The following ARHGEF10 variants were observed in gnomAD, a reference collection of about 807,000 sequenced individuals.
ARHGEF10 encodes Rho guanine nucleotide exchange factor (GEF) 10.
In ARHGEF10, 140 loss-of-function variants were observed where a neutral mutation model predicts 147.4. The ratio of observed to expected loss-of-function variants is 0.95; its 90% CI spans 0.83 to 1.09. The LOEUF is 1.09. ARHGEF10 is among the 50% of genes least tolerant of loss of function. ARHGEF10 has a pLI of 0.00. For synonymous variants in ARHGEF10, 902 were observed against 695.8 expected (o/e 1.30, Z -4.67); for missense variants, 2,222 against 1,752.7 (o/e 1.27, Z -4.78).
chr8:1,826,377 T>C (rs1055802056), intron 1 of ARHGEF10, among the ~76,000 whole-genome samples: 14 of 151,994 alleles, frequency 9.2e-5, no homozygotes, highest in Non-Finnish European at 2.1e-4. Context: ...TATGCATGTG[T>C]GTGCGTTTGT....
At chr8:1,826,447 CGTGT>C (rs1213939371) in intron 1 of ARHGEF10, among the ~76,000 whole-genome samples, 1 of 151,108 alleles carries the variant, frequency 6.6e-6, no homozygotes, top group Non-Finnish European at 1.5e-5. Context: ...TGTGTGTGCG[CGTGT>C]GTGAGTTGTA....
intron 28 of ARHGEF10, among the ~76,000 whole-genome samples, chr8:1,955,420 T>A (rs111328188): frequency 4.0e-5 from 6 of 150,474 alleles, no homozygotes; most frequent in East Asian, 2.0e-4. Context: ...GGTAGCTAGG[T>A]GCTCCCTGAA....
chr8:1,923,322 A>C, intron 19 of ARHGEF10, 146 bp from the exon 20 acceptor site: 1 of 1,261,322 alleles, frequency 7.9e-7, no homozygotes, highest in Non-Finnish European at 1.1e-6. Flanking sequence ...CCACAGTGTG[A>C]TCTGACTCCC....
chr8:1,893,743 AAACAT>A, intron 12 of ARHGEF10, 97 bp downstream of exon 12: 1 of 1,040,216 alleles, frequency 9.6e-7, no homozygotes, highest in South Asian at 1.4e-5. Flanking sequence ...TATGTTTATG[AAACAT>A]AACATGCAAA....
chr8:1,934,933 T>C (rs76490423), intron 26 of ARHGEF10, among the ~76,000 whole-genome samples: 2,314 of 152,276 alleles, frequency 0.015, 63 homozygotes, highest in African/African-American at 0.052. Flanking sequence ...TAAGAATTAA[T>C]GTTCTTAAAA....
intron 2 of ARHGEF10, among the ~76,000 whole-genome samples, chr8:1,844,832 T>C (rs1321868111): frequency 6.6e-6 from 1 of 152,066 alleles, no homozygotes; most frequent in Non-Finnish European, 1.5e-5. Flanking sequence ...TTTGGGAGAC[T>C]GAGGTGAGTG....
intron 11 of ARHGEF10, among the ~76,000 whole-genome samples, chr8:1,886,445 C>A (rs1032576522): frequency 6.6e-6 from 1 of 152,142 alleles, no homozygotes; most frequent in Non-Finnish European, 1.5e-5. Context: ...AGATTAAAGA[C>A]AAACAACACA....
chr8:1,913,632 C>T (rs1039882391), intron 18 of ARHGEF10, among the ~76,000 whole-genome samples: 6 of 152,222 alleles, frequency 3.9e-5, no homozygotes, highest in East Asian at 1.9e-4. Flanking sequence ...CGTCCCTGCA[C>T]TGGCAGCTTG....
chr8:1,834,399 G>C lies in ARHGEF10; in HGVS notation c.-47-8954G>C, dbSNP rs534234085. 7.9e-5 allele frequency among the ~76,000 whole-genome samples: 12 copies of C among 152,304 alleles called. No individual in the cohort carries two copies. In the South Asian group the frequency reaches 2.3e-3, roughly 29 times the overall value. ...GGTGAGCAGAGCGTAATGGTGAGAA[G>C]GTAGCAGAGCTGGAGACACAGGCCC... is the stretch of plus-strand genomic sequence containing the variant. On this transcript the variant is annotated intron_variant, in intron 1 of 28. Transcript: ENST00000349830.
intron 21 of ARHGEF10, among the ~76,000 whole-genome samples, chr8:1,925,055 G>T (rs1812581403): frequency 6.6e-6 from 1 of 152,174 alleles, no homozygotes; most frequent in African/African-American, 2.4e-5. Context: ...ACAGGGAGAG[G>T]TCCCTGCCAC....
rs757853077 is a variant in ARHGEF10, at chr8:1,896,422, A to G, written c.1530A>G (p.Thr510=). 1 of 1,613,948 alleles carries G rather than the reference A, an allele frequency of 6.2e-7. No individual in the cohort carries two copies. Among genetic ancestry groups the G allele is most frequent in the Non-Finnish European group, 8.5e-7 (1 of 1,179,988 alleles). The change falls in exon 14 of 29, where the codon ACA becomes ACG. Residue 510 remains threonine, a synonymous_variant. Transcript: ENST00000349830. ...AVAVLKKTCA[T]KPAFLEFLKQ... ...CAGTCCTCAAGAAAACATGTGCCAC[A>G]AAGCCCGCTTTTCTTGAATTTTTAA... is the stretch of plus-strand genomic sequence containing the variant.
At chr8:1,892,275 C>CTGTG (rs1491241969) in intron 11 of ARHGEF10, among the ~76,000 whole-genome samples, 1 of 93,420 alleles carries the variant, frequency 1.1e-5, no homozygotes, top group African/African-American at 5.1e-5. Flanking sequence ...CAGCTTCTGG[C>CTGTG]TCTGTGTGTG....
At chr8:1,869,419 C>G in intron 7 of ARHGEF10, 169 bp downstream of exon 7, 1 of 718,056 alleles carries the variant, frequency 1.4e-6, no homozygotes, top group Non-Finnish European at 2.5e-6. Flanking sequence ...TGTTTGTGCA[C>G]ATATGTGTGT....
intron 1 of ARHGEF10, among the ~76,000 whole-genome samples, chr8:1,840,179 A>G (rs377243836): frequency 1.8e-4 from 17 of 96,036 alleles, no homozygotes; most frequent in South Asian, 1.3e-3. Flanking sequence ...GCTGTCCGAT[A>G]TGGGGACTGT....
chr8:1,841,968 A>C (rs1204471566), intron 1 of ARHGEF10, among the ~76,000 whole-genome samples: 15 of 58,848 alleles, frequency 2.5e-4, no homozygotes, highest in African/African-American at 8.6e-4. Context: ...CGCGACCGGA[A>C]CTGGGGCCGC....
At position 1,849,501 on chromosome 8, in the gene ARHGEF10, C is replaced by T. The variant is rs547504085; in HGVS notation, c.37+6065C>T. On this transcript the variant is annotated intron_variant, in intron 2 of 28. Transcript: ENST00000349830. ...TGCTGAGGGGGGCGTGGGGCAGCCA[C>T]GTGGACACAGGGCAAATGCTGAGGA... Among the ~76,000 whole-genome samples, 146 of 132,248 alleles carry T rather than the reference C, an allele frequency of 1.1e-3. 2 individuals carry two copies. Among genetic ancestry groups the T allele is most frequent in the African/African-American group, 4.0e-3 (136 of 34,080 alleles). The allele number at this position is 132,248 out of a possible 152,430, so 86.8% of individuals were successfully genotyped here.
chr8:1,880,341 C>T (rs183169761), intron 9 of ARHGEF10, among the ~76,000 whole-genome samples, 177 bp downstream of exon 9: 20 of 152,252 alleles, frequency 1.3e-4, no homozygotes, highest in Non-Finnish European at 2.2e-4. Context: ...GTGCCTTTCA[C>T]TGTCTCCCTC....
Position 1,945,657 on chromosome 8 carries a change from T to C in ARHGEF10, c.3397+2T>C. 6.2e-7 allele frequency: 1 copy of C among 1,613,990 alleles called. No homozygotes were observed. Among genetic ancestry groups the C allele is most frequent in the Non-Finnish European group, 8.5e-7 (1 of 1,179,962 alleles). On this transcript the variant is annotated splice_donor_variant, in intron 27 of 28. Transcript: ENST00000349830. LOFTEE classifies it high-confidence loss of function. The stretch of plus-strand genomic sequence containing the variant: ...CCCCTGTTCACAACATGCTGCCAGG[T>C]AAGGGGACGGGACGGGGCCCAGGGA...
intron 7 of ARHGEF10, among the ~76,000 whole-genome samples, chr8:1,874,604 T>C (rs1379804949): frequency 1.3e-5 from 2 of 151,532 alleles, no homozygotes; most frequent in Non-Finnish European, 1.5e-5. Flanking sequence ...CATACCGGGG[T>C]GTGTAGCGGG....
Sources: allele counts gnomAD v4.1 joint callset (sites outside exome capture counted in the v4.1 genomes callset), GRCh38; gene constraint gnomAD v4.1.1; transcripts MANE v1.5; gene names NCBI Gene and HGNC (gene_info 2026-07-23, HGNC 2026-07-21).